The following ERVFRD-1 variants were observed in gnomAD, a reference collection of about 807,000 sequenced individuals.
ERVFRD-1 encodes endogenous retrovirus group FRD member 1, envelope, also known as syncytin-2.
Under a neutral mutation model 43.8 loss-of-function variants are expected in ERVFRD-1, and 33 were observed. The ratio of observed to expected loss-of-function variants is 0.75; its 90% CI spans 0.57 to 1.01. The LOEUF is 1.01. ERVFRD-1 is among the 50% of genes least tolerant of loss of function. ERVFRD-1 has a pLI of 0.00. For missense variants in ERVFRD-1, 568 were observed against 658.4 expected (o/e 0.86, Z 1.50); for synonymous variants, 239 against 244.4 (o/e 0.98, Z 0.21).
chr6:11,108,079 T>G (rs1233906000), intron 1 of ERVFRD-1, among the ~76,000 whole-genome samples: 1 of 152,198 alleles, frequency 6.6e-6, no homozygotes, highest in Non-Finnish European at 1.5e-5. Context: ...AAAGGTTAAC[T>G]GAGCCCCTAG....
rs776985820 is a variant in ERVFRD-1 at position 11,103,692 on chromosome 6, C to T, written c.*2G>A. 2.6e-6 allele frequency: 4 copies of T among 1,548,512 alleles called. No homozygotes were observed. The highest frequency in any genetic ancestry group is 3.5e-6 in the Non-Finnish European group (4 of 1,145,390). On this transcript the variant is annotated 3_prime_UTR_variant, in exon 2 of 2. Coordinates refer to ENST00000472091, the MANE Select transcript of ERVFRD-1 (RefSeq NM_207582.3). ...CACTAGCGAGCAGTCTAGGGGTCCT[C>T]CTTAGAAGGGTGACTCTTGAATATT...
In ERVFRD-1 at chr6:11,104,890, G is replaced by T. The variant is rs1361189629; in HGVS notation, c.421C>A (p.Pro141Thr). ...RKNGTNVGTL[P>T]STVCNVTFTV... The stretch of plus-strand genomic sequence containing the variant: ...AAAGTAACATTACAGACTGTACTTG[G>T]AAGAGTGCCTACATTTGTTCCATTT... Residue 141 changes from proline to threonine, a missense_variant, in exon 2 of 2, where the codon CCA becomes ACA. Physicochemically the swap from Pro to Thr is conservative, Grantham distance 38. Coordinates refer to ENST00000472091, the MANE Select transcript of ERVFRD-1 (RefSeq NM_207582.3). 7 of 1,614,214 alleles carry T rather than the reference G, an allele frequency of 4.3e-6. No individual in the cohort carries two copies. The highest frequency in any genetic ancestry group is 5.1e-6 in the Non-Finnish European group (6 of 1,180,042).
intron 1 of ERVFRD-1, among the ~76,000 whole-genome samples, chr6:11,111,414 C>T (rs1758164451): frequency 6.6e-6 from 1 of 152,074 alleles, no homozygotes; most frequent in African/African-American, 2.4e-5. Flanking sequence ...AGGTTTTAGC[C>T]CTACCGCTCT....
rs530848643 is a variant in ERVFRD-1, at chr6:11,106,014, T to A, written c.-320-384A>T. 3.9e-5 allele frequency among the ~76,000 whole-genome samples: 6 copies of A among 152,148 alleles called. No homozygotes were observed. In the East Asian group the frequency reaches 1.2e-3, roughly 29 times the overall value. On this transcript the variant is annotated intron_variant, in intron 1 of 1. Transcript: ENST00000472091. ...GTTTCCTGGCAGAGTTTGTTGGGGA[T>A]GTGTTTGAGGGTTTGGTTATTTCCA...
In ERVFRD-1 at chr6:11,103,900, A is replaced by G. The variant is rs758385815; in HGVS notation, c.1411T>C (p.Leu471=). ...CATTTCCAAGTTCCTTCCCAATTTA[A>G]CCAACCCTGAGTGGCTCGTTCCCGT... is the stretch of plus-strand genomic sequence containing the variant. ...SLRERATQGW[L]NWEGTWKWFS... is the part of the protein sequence containing the mutation. The change falls in exon 2 of 2, where the codon TTA becomes CTA. Residue 471 remains leucine (L), a synonymous_variant. Coordinates refer to ENST00000472091, the MANE Select transcript of ERVFRD-1 (RefSeq NM_207582.3). 1 of 1,551,602 alleles carries G rather than the reference A, an allele frequency of 6.4e-7. No individual in the cohort carries two copies. Among genetic ancestry groups the G allele is most frequent in the Non-Finnish European group, 8.7e-7 (1 of 1,147,010 alleles).
chr6:11,105,185 A>G lies in ERVFRD-1; in HGVS notation c.126T>C (p.Asn42=). 1 of 1,614,148 alleles carries G rather than the reference A, an allele frequency of 6.2e-7. No homozygotes were observed. Among genetic ancestry groups the G allele is most frequent in the Non-Finnish European group, 8.5e-7 (1 of 1,180,020 alleles). Reference sequence around the variant, plus strand: ...TGGAAGAGCTAGTACATAACCAGCAATTGGTGGAGTAAGGGGATCCTGTAC... The same window carrying G: ...TGGAAGAGCTAGTACATAACCAGCAGTTGGTGGAGTAAGGGGATCCTGTAC... ...LQSTGSPYST[N]CWLCTSSSTE... is the part of the protein sequence containing the mutation. The change falls in exon 2 of 2, where the codon AAT becomes AAC. Residue 42 remains asparagine (N), a synonymous_variant. Coordinates refer to ENST00000472091, the MANE Select transcript of ERVFRD-1 (RefSeq NM_207582.3).
rs115082527 is a variant in ERVFRD-1 at position 11,110,827 on chromosome 6, C to T, written c.-321+850G>A. Reference sequence around the variant, plus strand: ...GGTGTTTGGGATAAGACCCTGCAAACGGCAGAGAATTTTCCTTCCCCACAA... The same window carrying T: ...GGTGTTTGGGATAAGACCCTGCAAATGGCAGAGAATTTTCCTTCCCCACAA... On this transcript the variant is annotated intron_variant, in intron 1 of 1. Coordinates refer to ENST00000472091, the MANE Select transcript of ERVFRD-1 (RefSeq NM_207582.3). 6.2e-3 allele frequency among the ~76,000 whole-genome samples: 937 copies of T among 152,248 alleles called. 6 individuals carry two copies. The highest frequency in any genetic ancestry group is 0.021 in the African/African-American group (873 of 41,528).
Position 11,103,176 on chromosome 6 carries a change from A to G in ERVFRD-1, c.*518T>C, listed in dbSNP as rs1254146018. The stretch of plus-strand genomic sequence containing the variant: ...TCAAGCCTTCCTAAAGGAAGGTCAT[A>G]TATGAGTTAAATGCCACTATTTTGC... On this transcript the variant is annotated 3_prime_UTR_variant, in exon 2 of 2. Transcript: ENST00000472091. 1.3e-5 allele frequency: 2 copies of G among 153,978 alleles called. No individual in the cohort carries two copies. The highest frequency in any genetic ancestry group is 2.9e-5 in the Non-Finnish European group (2 of 69,330). 9.5% of individuals were successfully genotyped at this position (153,978 alleles called of 1,614,324 possible).
intron 1 of ERVFRD-1, among the ~76,000 whole-genome samples, chr6:11,107,073 T>C (rs1176225244): frequency 1.3e-5 from 2 of 152,246 alleles, no homozygotes; most frequent in Non-Finnish European, 2.9e-5. Context: ...TGTACCATAC[T>C]CTGCATATCT....
chr6:11,103,492 T>G lies in ERVFRD-1; in HGVS notation c.*202A>C. 1 of 707,440 alleles carries G rather than the reference T, an allele frequency of 1.4e-6. No homozygotes were observed. Among genetic ancestry groups the G allele is most frequent in the Non-Finnish European group, 2.1e-6 (1 of 468,402 alleles). 43.8% of individuals were successfully genotyped at this position (707,440 alleles called of 1,614,324 possible). On this transcript the variant is annotated 3_prime_UTR_variant, in exon 2 of 2. Coordinates refer to ENST00000472091, the MANE Select transcript of ERVFRD-1 (RefSeq NM_207582.3). ...TCCAAGACCCAATTATCTGGGAAAA[T>G]GGACGAAGGTCAGTCTTCTTTAACT...
intron 1 of ERVFRD-1, among the ~76,000 whole-genome samples, chr6:11,106,670 G>C (rs1355669713): frequency 1.3e-5 from 2 of 152,226 alleles, no homozygotes; most frequent in Non-Finnish European, 2.9e-5. Context: ...TCACTGGGGA[G>C]AGAGATGAGC....
rs1395888820 is a variant in ERVFRD-1, at chr6:11,103,876, A to G, written c.1435T>C (p.Trp479Arg). 3.2e-6 allele frequency: 5 copies of G among 1,551,666 alleles called. No homozygotes were observed. The South Asian group carries it at 4.8e-5, about 15-fold the overall frequency. ...GWLNWEGTWK[W>R]FSWVLPLTGP... Reference sequence around the variant, plus strand: ...GTAAGGGGAAGAACCCAAGAGAACCATTTCCAAGTTCCTTCCCAATTTAAC... The same window carrying G: ...GTAAGGGGAAGAACCCAAGAGAACCGTTTCCAAGTTCCTTCCCAATTTAAC... The change falls in exon 2 of 2, where the codon TGG becomes CGG. Residue 479 changes from tryptophan to arginine, a missense_variant. By Grantham distance (101) the Trp-to-Arg change is moderately radical (BLOSUM62 -3). Transcript: ENST00000472091.
Position 11,105,023 on chromosome 6 carries a change from T to C in ERVFRD-1, c.288A>G (p.Val96=). The part of the protein sequence containing the change: ...MRPANSLLST[V]KQDFPDIRQK... ...GGCGGATATCAGGGAAATCTTGCTT[T>C]ACTGTTGAAAGAAGACTATTTGCAG... Residue 96 remains valine (V), a synonymous_variant, in exon 2 of 2, where the codon GTA becomes GTG. Transcript: ENST00000472091. The C allele has an allele frequency of 4.3e-6, 7 of 1,614,180 alleles. No homozygotes were observed. Among genetic ancestry groups the C allele is most frequent in the African/African-American group, 1.3e-5 (1 of 75,046 alleles).
Position 11,103,884 on chromosome 6 carries a change from G to T in ERVFRD-1, c.1427C>A (p.Thr476Asn). The T allele has an allele frequency of 6.4e-7, 1 of 1,551,694 alleles. No homozygotes were observed. The change falls in exon 2 of 2, where the codon ACT becomes AAT. Residue 476 changes from threonine to asparagine, a missense_variant. Physicochemically the swap from Thr to Asn is moderately conservative, Grantham distance 65. Transcript: ENST00000472091. ...AAGAACCCAAGAGAACCATTTCCAA[G>T]TTCCTTCCCAATTTAACCAACCCTG... ...ATQGWLNWEG[T>N]WKWFSWVLPL...
rs752931524 is a variant in ERVFRD-1 at position 11,104,831 on chromosome 6, T to C, written c.480A>G (p.Thr160=). ...TVDSNQQTYQ[T]YTHNQFRHQP... is the part of the protein sequence containing the mutation. ...GATGGCGGAATTGGTTGTGGGTGTA[T>C]GTTTGGTAAGTCTGTTGGTTAGAAT... The change falls in exon 2 of 2, where the codon ACA becomes ACG. Residue 160 remains threonine, a synonymous_variant. Coordinates refer to ENST00000472091, the MANE Select transcript of ERVFRD-1 (RefSeq NM_207582.3). The C allele has an allele frequency of 3.6e-5, 58 of 1,614,068 alleles. No homozygotes were observed. The highest frequency in any genetic ancestry group is 2.2e-5 in the Non-Finnish European group (26 of 1,180,046).
At position 11,104,212 on chromosome 6, in the gene ERVFRD-1, T is replaced by C; in HGVS notation, c.1099A>G (p.Thr367Ala). 1 of 1,551,732 alleles carries C rather than the reference T, an allele frequency of 6.4e-7. No individual in the cohort carries two copies. The highest frequency in any genetic ancestry group is 8.7e-7 in the Non-Finnish European group (1 of 1,147,002). ...LLAGLGILAG[T>A]GTGIAGITKA... Reference sequence around the variant, plus strand: ...GTGATTCCAGCAATTCCGGTTCCCGTACCAGCTAGAATGCCGAGTCCCGCG... The same window carrying C: ...GTGATTCCAGCAATTCCGGTTCCCGCACCAGCTAGAATGCCGAGTCCCGCG... Residue 367 changes from threonine (T) to alanine (A), a missense_variant, in exon 2 of 2, where the codon ACG becomes GCG. Thr to Ala is a moderately conservative substitution (Grantham distance 58, BLOSUM62 0). Coordinates refer to ENST00000472091, the MANE Select transcript of ERVFRD-1 (RefSeq NM_207582.3).
At position 11,103,850 on chromosome 6, in the gene ERVFRD-1, T is replaced by TGTAAGGGGAA; in HGVS notation, c.1451_1460dup (p.Gly488SerfsTer8). The stretch of plus-strand genomic sequence containing the variant: ...AAAGTAGGAGACTAACAAGTGGGCC[T>TGTAAGGGGAA]GTAAGGGGAAGAACCCAAGAGAACC... On this transcript the variant is annotated frameshift_variant, in exon 2 of 2. Coordinates refer to ENST00000472091, the MANE Select transcript of ERVFRD-1 (RefSeq NM_207582.3). LOFTEE classifies it high-confidence loss of function. 1 of 1,551,684 alleles carries TGTAAGGGGAA rather than the reference T, an allele frequency of 6.4e-7. No homozygotes were observed. The highest frequency in any genetic ancestry group is 8.7e-7 in the Non-Finnish European group (1 of 1,146,976).
Position 11,105,032 on chromosome 6 carries a change from A to G in ERVFRD-1, c.279T>C (p.Leu93=). The G allele has an allele frequency of 6.2e-7, 1 of 1,614,188 alleles. No individual in the cohort carries two copies. Among genetic ancestry groups the G allele is most frequent in the Non-Finnish European group, 8.5e-7 (1 of 1,180,028 alleles). ...CAGGGAAATCTTGCTTTACTGTTGA[A>G]AGAAGACTATTTGCAGGCCTCATCA... ...KGLMRPANSL[L]STVKQDFPDI... The change falls in exon 2 of 2, where the codon CTT becomes CTC. Residue 93 remains leucine, a synonymous_variant. Transcript: ENST00000472091.
chr6:11,110,571 T>C (rs1397384801), intron 1 of ERVFRD-1, among the ~76,000 whole-genome samples: 1 of 152,128 alleles, frequency 6.6e-6, no homozygotes, highest in African/African-American at 2.4e-5. Context: ...TGGAGGTGAT[T>C]AGAGGAATGG....
Sources: allele counts gnomAD v4.1 joint callset (sites outside exome capture counted in the v4.1 genomes callset), GRCh38; gene constraint gnomAD v4.1.1; transcripts MANE v1.5; gene names NCBI Gene and HGNC (gene_info 2026-07-23, HGNC 2026-07-21).